The following PRKCE variants were observed in gnomAD, a reference collection of about 807,000 sequenced individuals.
The protein encoded by PRKCE is protein kinase C epsilon type.
A neutral mutation model predicts 85.4 loss-of-function variants in PRKCE; 16 were observed. The observed-to-expected ratio is 0.19, with a 90% CI of 0.13 to 0.28. The LOEUF (loss-of-function observed/expected upper bound fraction) is 0.28. Among genes scored for constraint, PRKCE ranks in the 10% least tolerant of loss-of-function variants. The probability of loss-of-function intolerance (pLI) is 1.00; values close to 1 mark genes in which losing one functional copy is unlikely to be tolerated. For missense variants in PRKCE, 573 were observed against 975.2 expected, an observed-to-expected ratio of 0.59 and a Z score of 5.49; for synonymous variants, 388 against 371.5, an observed-to-expected ratio of 1.04 and a Z score of -0.51.
intron 10 of PRKCE, among the ~76,000 whole-genome samples, chr2:46,056,231 G>C (rs1419838697): frequency 6.7e-6 from 1 of 149,068 alleles, no homozygotes; most frequent in East Asian, 1.9e-4. Flanking sequence ...CACGGTTAAT[G>C]TTCTTGAACC....
At chr2:45,883,586 G>A (rs1395255100) in intron 2 of PRKCE, among the ~76,000 whole-genome samples, 1 of 152,162 alleles carries the variant, frequency 6.6e-6, no homozygotes, top group Non-Finnish European at 1.5e-5. Context: ...TTTTTGGGGT[G>A]GGAGGCATTA....
In PRKCE at chr2:45,652,546, G is replaced by C. The variant is rs1675171667; in HGVS notation, c.348+98G>C. ...TCGTAGGGCTCCGGGACTTATTGAC[G>C]ACTGGGGTGTGTGTGCCTGTAAGTC... is the stretch of plus-strand genomic sequence containing the variant. On this transcript the variant is annotated intron_variant, in intron 1 of 14. Transcript: ENST00000306156. This position sits in a 1 kb window ranked among gnomAD's most constrained non-coding sequence, Gnocchi z 7.7. 2 of 1,170,104 alleles carry C rather than the reference G, an allele frequency of 1.7e-6. No individual in the cohort carries two copies. Among genetic ancestry groups the C allele is most frequent in the Non-Finnish European group, 2.4e-6 (2 of 850,984 alleles). The allele number at this position is 1,170,104 out of a possible 1,614,324, so 72.5% of individuals were successfully genotyped here.
intron 1 of PRKCE, among the ~76,000 whole-genome samples, chr2:45,839,367 G>A (rs1026975665): frequency 1.4e-5 from 2 of 142,638 alleles, no homozygotes; most frequent in African/African-American, 4.9e-5. Flanking sequence ...TGCTGGAGGG[G>A]TAGCCAAGGC....
intron 2 of PRKCE, among the ~76,000 whole-genome samples, chr2:45,974,693 C>T (rs891717247): frequency 3.9e-5 from 6 of 152,210 alleles, no homozygotes; most frequent in Non-Finnish European, 2.9e-5. Context: ...TCAGGTCATA[C>T]ATATGACCTC....
intron 2 of PRKCE, among the ~76,000 whole-genome samples, chr2:45,897,427 G>T (rs2103673924): frequency 6.6e-6 from 1 of 152,250 alleles, no homozygotes; most frequent in Non-Finnish European, 1.5e-5. Flanking sequence ...TGCCCATCTT[G>T]TTTTGTGCTA....
intron 11 of PRKCE, among the ~76,000 whole-genome samples, chr2:46,108,341 T>A (rs1423496782): frequency 1.3e-5 from 2 of 152,220 alleles, no homozygotes; most frequent in African/African-American, 2.4e-5. Context: ...TTTAATGAAA[T>A]CATATCTTTT....
chr2:46,162,937 T>C lies in PRKCE; in HGVS notation c.2067+3185T>C, dbSNP rs537640424. Among the ~76,000 whole-genome samples, 132 of 152,302 alleles carry C rather than the reference T, an allele frequency of 8.7e-4. 1 individual carries two copies. Among genetic ancestry groups the C allele is most frequent in the African/African-American group, 3.1e-3 (128 of 41,540 alleles). On this transcript the variant is annotated intron_variant, in intron 14 of 14. Coordinates refer to ENST00000306156, the MANE Select transcript of PRKCE (RefSeq NM_005400.3). ...GCACCAGCCCGAGTCATCCGTGGGC[T>C]TGTGTAGAAAAAGCAGAAATAAATA...
At chr2:45,922,230 C>A (rs1478051556) in intron 2 of PRKCE, among the ~76,000 whole-genome samples, 1 of 152,098 alleles carries the variant, frequency 6.6e-6, no homozygotes, top group East Asian at 1.9e-4. Context: ...ATTGCTGTAG[C>A]CTGAGCTTTG....
chr2:45,730,422 C>G (rs1038587936), intron 1 of PRKCE, among the ~76,000 whole-genome samples: 3 of 149,104 alleles, frequency 2.0e-5, no homozygotes, highest in African/African-American at 7.4e-5. Context: ...CCTCCCAAAG[C>G]TCTGGGATTA....
chr2:45,803,960 T>C (rs966928995), intron 1 of PRKCE, among the ~76,000 whole-genome samples: 13 of 152,218 alleles, frequency 8.5e-5, no homozygotes, highest in African/African-American at 2.7e-4. Flanking sequence ...TCCTTATCCC[T>C]GCCCCATCCA....
At chr2:45,874,276 G>A (rs1694309169) in intron 2 of PRKCE, among the ~76,000 whole-genome samples, 1 of 152,184 alleles carries the variant, frequency 6.6e-6, no homozygotes, top group Non-Finnish European at 1.5e-5. Context: ...GGAATATTTG[G>A]TCAACATGCT....
chr2:45,769,446 C>T (rs1016514948), intron 1 of PRKCE, among the ~76,000 whole-genome samples: 8 of 152,048 alleles, frequency 5.3e-5, no homozygotes, highest in African/African-American at 1.4e-4. Flanking sequence ...TTTTTGCATG[C>T]GTATCTGATG....
At chr2:45,734,322 G>A (rs1362658413) in intron 1 of PRKCE, among the ~76,000 whole-genome samples, 2 of 150,766 alleles carry the variant, frequency 1.3e-5, no homozygotes, top group South Asian at 2.1e-4. Flanking sequence ...CAGAGATGGC[G>A]CTACTGCACT....
chr2:45,938,397 A>G (rs1473628532), intron 2 of PRKCE, among the ~76,000 whole-genome samples: 1 of 152,006 alleles, frequency 6.6e-6, no homozygotes, highest in Non-Finnish European at 1.5e-5. Flanking sequence ...ATACATAATT[A>G]CTCTAAGAAA....
At chr2:45,706,998 C>T (rs1006495524) in intron 1 of PRKCE, among the ~76,000 whole-genome samples, 1 of 152,220 alleles carries the variant, frequency 6.6e-6, no homozygotes, top group Middle Eastern at 3.4e-3. Flanking sequence ...GTCGATTTTC[C>T]ACTTTGACTG....
chr2:45,863,429 C>T (rs749769880), intron 2 of PRKCE, among the ~76,000 whole-genome samples: 1 of 152,038 alleles, frequency 6.6e-6, no homozygotes, highest in African/African-American at 2.4e-5. Context: ...AAGGCTGCTC[C>T]GTGATGAATC....
chr2:46,032,623 G>A (rs969839369), intron 10 of PRKCE, among the ~76,000 whole-genome samples: 5 of 152,132 alleles, frequency 3.3e-5, no homozygotes, highest in Non-Finnish European at 5.9e-5. Flanking sequence ...TGGCTAGGCT[G>A]AAAAAATGCC....
At chr2:45,782,879 G>A (rs1372833390) in intron 1 of PRKCE, among the ~76,000 whole-genome samples, 7 of 152,102 alleles carry the variant, frequency 4.6e-5, no homozygotes, top group African/African-American at 1.2e-4. Flanking sequence ...CAGTTTTCTC[G>A]TGTCTGAATC....
intron 10 of PRKCE, among the ~76,000 whole-genome samples, chr2:46,067,438 C>T (rs1355599139): frequency 1.3e-5 from 2 of 152,206 alleles, no homozygotes; most frequent in African/African-American, 2.4e-5. Context: ...ACAGGAGTAC[C>T]TGTTAGCCGA....
Sources: allele counts gnomAD v4.1 joint callset (sites outside exome capture counted in the v4.1 genomes callset), GRCh38; gene constraint gnomAD v4.1.1; non-coding constraint Gnocchi (gnomAD v3.1); transcripts MANE v1.5; gene names NCBI Gene and HGNC (gene_info 2026-07-23, HGNC 2026-07-21).